The following DUSP15 variants were observed in gnomAD, a reference collection of about 807,000 sequenced individuals.
DUSP15 encodes the protein dual specificity protein phosphatase 15.
Under a neutral mutation model 26.3 loss-of-function variants are expected in DUSP15, and 23 were observed. That is an observed-to-expected ratio of 0.87 (90% CI 0.63 to 1.24). The LOEUF (loss-of-function observed/expected upper bound fraction) is 1.24, where lower values mean the gene tolerates loss of function less well. DUSP15 is among the 50% of genes most tolerant of loss of function. The pLI is 0.00. For missense variants in DUSP15, 364 were observed against 320.6 expected, an observed-to-expected ratio of 1.14 and a Z score of -1.03; for synonymous variants, 143 against 135.5, an observed-to-expected ratio of 1.06 and a Z score of -0.39.
intron 6 of DUSP15, among the ~76,000 whole-genome samples, chr20:31,853,952 G>T (rs2062517490): frequency 6.6e-6 from 1 of 152,046 alleles, no homozygotes; most frequent in Non-Finnish European, 1.5e-5. Context: ...CTTTCAGGAG[G>T]TAACATTTGT....
downstream of DUSP15, among the ~76,000 whole-genome samples, chr20:31,858,330 G>A (rs1307371858): frequency 6.6e-6 from 1 of 152,178 alleles, no homozygotes; most frequent in Admixed American, 6.5e-5. The surrounding 1 kb of genome is among the most constrained non-coding windows in gnomAD (Gnocchi z 4.4). Flanking sequence ...ACCTGCCGTC[G>A]GGGACCTTTC....
chr20:31,865,082 C>CA, intron 3 of DUSP15, 80 bp from the exon 4 acceptor site: 1 of 1,510,982 alleles, frequency 6.6e-7, no homozygotes. Context: ...CCAGGCAGGG[C>CA]ATAACCCCAG....
chr20:31,858,068 G>A (rs1303814961), downstream of DUSP15, among the ~76,000 whole-genome samples: 3 of 152,316 alleles, frequency 2.0e-5, no homozygotes, highest in East Asian at 1.9e-4. This position sits in a 1 kb window ranked among gnomAD's most constrained non-coding sequence, Gnocchi z 4.4. Flanking sequence ...AAGGCTATCC[G>A]TCAGTCTCAG....
At chr20:31,850,753 G>A (rs1417785909) in intron 6 of DUSP15, 24 of 1,478,794 alleles carry the variant, frequency 1.6e-5, no homozygotes, top group African/African-American at 2.8e-5. Context: ...GGCCAGGGAG[G>A]AGGCAGGGCT....
At chr20:31,845,982 G>A (rs1399563887), downstream of DUSP15, among the ~76,000 whole-genome samples, 4 of 151,778 alleles carry the variant, frequency 2.6e-5, no homozygotes, top group African/African-American at 9.7e-5. Flanking sequence ...GGAGAAAGAG[G>A]GAGAGACAAA....
rs767420223 is a variant in DUSP15, at chr20:31,848,433, G to A, written c.859C>T (p.Arg287Ter). 9.9e-6 allele frequency: 16 copies of A among 1,611,652 alleles called. No individual in the cohort carries two copies. Among genetic ancestry groups the A allele is most frequent in the Middle Eastern group, 1.6e-4 (1 of 6,074 alleles). ...CGGGTACAAGAAGAGGAAGCGGCTC[G>A]CTTAGGATGGAGGCAGCTGCATTGA... Residue 287 changes from arginine (R) to a stop codon, truncating the protein, a stop_gained, in exon 10 of 10, where the codon CGA becomes TGA. Transcript: ENST00000278979. LOFTEE classifies it low-confidence loss of function (END_TRUNC).
Position 31,870,116 on chromosome 20 carries a change from C to A in DUSP15, c.21+201G>T. 2.4e-6 allele frequency: 3 copies of A among 1,239,786 alleles called. No individual in the cohort carries two copies. The highest frequency in any genetic ancestry group is 3.8e-5 in the South Asian group (1 of 26,602). The allele number at this position is 1,239,786 out of a possible 1,614,324, so 76.8% of individuals were successfully genotyped here. A position where few individuals can be genotyped will look rare whatever the true frequency, so the allele number is the denominator to read the frequency against. On this transcript the variant is annotated intron_variant, in intron 1 of 6. Transcript: ENST00000339738. This position sits in a 1 kb window ranked among gnomAD's most constrained non-coding sequence, Gnocchi z 6.6. ...GACACACAGAGTCACGGAGAGAGGG[C>A]GGACACAGCGGGGACAGAGACGCAG...
intron 2 of DUSP15, among the ~76,000 whole-genome samples, chr20:31,867,774 A>G (rs932689613): frequency 1.3e-4 from 19 of 151,176 alleles, no homozygotes; most frequent in Non-Finnish European, 1.8e-4. Flanking sequence ...CCTCCGGAGT[A>G]GCTGGGACTA....
chr20:31,853,431 A>G (rs2062508250), intron 6 of DUSP15, among the ~76,000 whole-genome samples: 1 of 152,142 alleles, frequency 6.6e-6, no homozygotes, highest in African/African-American at 2.4e-5. Context: ...ATGATAAAAA[A>G]TTAATGGACA....
rs2062643686 is a variant in DUSP15 at position 31,861,328 on chromosome 20, T to G, written c.*75A>C. ...GCTCCCCCAGCCTCTGGGCCCGTCC[T>G]GGGGGGCGTGGAAGGCGCAGACAGC... On this transcript the variant is annotated 3_prime_UTR_variant, in exon 7 of 7. Transcript: ENST00000339738. 2 of 1,418,680 alleles carry G rather than the reference T, an allele frequency of 1.4e-6. No individual in the cohort carries two copies. The highest frequency in any genetic ancestry group is 1.5e-5 in the African/African-American group (1 of 67,354). 87.9% of individuals were successfully genotyped at this position (1,418,680 alleles called of 1,614,324 possible). A position where few individuals can be genotyped will look rare whatever the true frequency, so the allele number is the denominator to read the frequency against.
At chr20:31,867,738 G>A (rs1475411058) in intron 2 of DUSP15, among the ~76,000 whole-genome samples, 5 of 136,782 alleles carry the variant, frequency 3.7e-5, no homozygotes, top group Non-Finnish European at 7.6e-5. Context: ...TCTGCCTCCC[G>A]GGTTCACGCC....
exon 10 of DUSP15, chr20:31,848,411 G>T (rs769898517): frequency 1.6e-5 from 25 of 1,611,564 alleles, no homozygotes; most frequent in Non-Finnish European, 2.1e-5. Context: ...CCTTCAGCGG[G>T]TACAAGAAGA....
At chr20:31,864,861 T>C in intron 4 of DUSP15, 92 bp downstream of exon 4, 2 of 1,338,800 alleles carry the variant, frequency 1.5e-6, no homozygotes, top group Non-Finnish European at 1.1e-6. Flanking sequence ...CTCTCTGGCC[T>C]GAGTACTTTG....
At chr20:31,865,203 G>T (rs1007232035) in intron 3 of DUSP15, among the ~76,000 whole-genome samples, 2 of 152,138 alleles carry the variant, frequency 1.3e-5, no homozygotes, top group African/African-American at 4.8e-5. Flanking sequence ...AACCTTCTAA[G>T]CACATGGTGT....
chr20:31,849,738 C>G, exon 8 of DUSP15: 1 of 1,539,838 alleles, frequency 6.5e-7, no homozygotes, highest in South Asian at 1.2e-5. Flanking sequence ...GGAAGCGAAC[C>G]TGCTGCAACG....
intron 6 of DUSP15, among the ~76,000 whole-genome samples, chr20:31,853,839 A>T (rs2062515359): frequency 6.6e-6 from 1 of 152,094 alleles, no homozygotes; most frequent in African/African-American, 2.4e-5. Flanking sequence ...CTTGGGCTCA[A>T]GTGATCCTCC....
At chr20:31,867,229 C>A in intron 2 of DUSP15, 76 bp from the exon 3 acceptor site, 7 of 1,324,640 alleles carry the variant, frequency 5.3e-6, no homozygotes, top group Non-Finnish European at 7.4e-6. Context: ...GAGCTCACTG[C>A]CTGCCCAGCT....
In DUSP15 at chr20:31,869,750, T is replaced by C; in HGVS notation, c.22-153A>G. 12 of 1,487,288 alleles carry C rather than the reference T, an allele frequency of 8.1e-6. No individual in the cohort carries two copies. In the South Asian group the frequency reaches 1.6e-4, roughly 20 times the overall value. The allele number at this position is 1,487,288 out of a possible 1,614,324, so 92.1% of individuals were successfully genotyped here. The stretch of plus-strand genomic sequence containing the variant: ...TCTCTTCCCTTTTGTGGGCCCTGAG[T>C]CCTCTGTGAGAGGGGTCTGGGGCTC... On this transcript the variant is annotated intron_variant, in intron 1 of 6. Coordinates refer to ENST00000339738, the MANE Select transcript of DUSP15 (RefSeq NM_080611.5).
Position 31,870,288 on chromosome 20 carries a change from G to C in DUSP15, c.21+29C>G. 3.3e-6 allele frequency: 4 copies of C among 1,228,924 alleles called. No homozygotes were observed. Among genetic ancestry groups the C allele is most frequent in the Middle Eastern group, 2.8e-4 (1 of 3,530 alleles). The allele number at this position is 1,228,924 out of a possible 1,614,324, so 76.1% of individuals were successfully genotyped here. On this transcript the variant is annotated intron_variant, in intron 1 of 6. Coordinates refer to ENST00000339738, the MANE Select transcript of DUSP15 (RefSeq NM_080611.5). The surrounding 1 kb of genome is among the most constrained non-coding windows in gnomAD (Gnocchi z 6.6). ...GGCCGCGGCGGCCGGGGCGGGGACC[G>C]GGGAGGCTGCGCGGGGCCCGCCCCC...
Sources: allele counts gnomAD v4.1 joint callset (sites outside exome capture counted in the v4.1 genomes callset), GRCh38; gene constraint gnomAD v4.1.1; non-coding constraint Gnocchi (gnomAD v3.1); transcripts MANE v1.5; gene names NCBI Gene and HGNC (gene_info 2026-07-23, HGNC 2026-07-21).